The following MAGI1 variants were observed in gnomAD, a reference collection of about 807,000 sequenced individuals.
MAGI1 encodes the protein membrane associated guanylate kinase, WW and PDZ domain containing 1.
In MAGI1, 58 loss-of-function variants were observed where a neutral mutation model predicts 139.9. That is an observed-to-expected ratio of 0.41 (90% confidence interval 0.34 to 0.52). MAGI1 has a LOEUF of 0.52. MAGI1 is among the 20% of genes least tolerant of loss of function. The pLI is 0.12. For missense variants in MAGI1, 1,874 were observed against 1,901.6 expected (o/e 0.99, Z 0.27); for synonymous variants, 812 against 737.9 (o/e 1.10, Z -1.63).
At chr3:65,541,480 T>G (rs2079222117) in intron 2 of MAGI1, among the ~76,000 whole-genome samples, 1 of 152,132 alleles carries the variant, frequency 6.6e-6, no homozygotes, top group Admixed American at 6.5e-5. Context: ...AAAGAAAATT[T>G]CAGGTGAATA....
chr3:65,519,414 C>T (rs952285387), intron 2 of MAGI1, among the ~76,000 whole-genome samples: 6 of 151,596 alleles, frequency 4.0e-5, no homozygotes, highest in Non-Finnish European at 8.8e-5. Context: ...TGGATGGAGT[C>T]TTGCTCTGTT....
chr3:65,596,256 AT>A (rs2082190907), intron 2 of MAGI1, among the ~76,000 whole-genome samples: 1 of 152,214 alleles, frequency 6.6e-6, no homozygotes, highest in Non-Finnish European at 1.5e-5. Context: ...CCATGTGCAT[AT>A]GGAATTTTTA....
At chr3:65,825,880 C>G (rs1019784346) in intron 1 of MAGI1, among the ~76,000 whole-genome samples, 1 of 151,886 alleles carries the variant, frequency 6.6e-6, no homozygotes, top group African/African-American at 2.4e-5. Flanking sequence ...CCCAGCTACT[C>G]GGGAGGCTGA....
At chr3:65,752,026 T>G (rs571627880) in intron 1 of MAGI1, among the ~76,000 whole-genome samples, 1 of 152,312 alleles carries the variant, frequency 6.6e-6, no homozygotes, top group South Asian at 2.1e-4. Context: ...CACTGCAGCC[T>G]TGACTTCCCA....
At chr3:66,014,865 C>G (rs914846196) in intron 1 of MAGI1, among the ~76,000 whole-genome samples, 1 of 152,212 alleles carries the variant, frequency 6.6e-6, no homozygotes, top group African/African-American at 2.4e-5. Flanking sequence ...TTTGCTCCCA[C>G]TGTTGCCTCC....
At chr3:65,796,866 A>G (rs1207212522) in intron 1 of MAGI1, among the ~76,000 whole-genome samples, 2 of 152,142 alleles carry the variant, frequency 1.3e-5, no homozygotes, top group African/African-American at 4.8e-5. Flanking sequence ...ACTAAACTTT[A>G]TTTACAGAAA....
At chr3:65,550,054 G>A (rs2079746473) in intron 2 of MAGI1, among the ~76,000 whole-genome samples, 1 of 152,110 alleles carries the variant, frequency 6.6e-6, no homozygotes, top group Non-Finnish European at 1.5e-5. Flanking sequence ...AATACAGACA[G>A]AATCACATCT....
chr3:65,503,415 T>C (rs924415672), intron 2 of MAGI1, among the ~76,000 whole-genome samples: 1 of 152,156 alleles, frequency 6.6e-6, no homozygotes, highest in Non-Finnish European at 1.5e-5. Context: ...TTTTGAATAA[T>C]GGGGCATTCT....
At chr3:65,810,334 C>T (rs1050089749) in intron 1 of MAGI1, among the ~76,000 whole-genome samples, 1 of 152,252 alleles carries the variant, frequency 6.6e-6, no homozygotes, top group African/African-American at 2.4e-5. Context: ...TATCCAGTCT[C>T]TATCCCATAC....
intron 2 of MAGI1, among the ~76,000 whole-genome samples, chr3:65,578,396 C>T (rs985617134): frequency 6.6e-6 from 1 of 152,158 alleles, no homozygotes; most frequent in African/African-American, 2.4e-5. Flanking sequence ...AATCAACCAG[C>T]TATGAGATCC....
At chr3:65,453,117 C>A in intron 6 of MAGI1, 141 bp downstream of exon 6, 2 of 707,560 alleles carry the variant, frequency 2.8e-6, no homozygotes, top group Non-Finnish European at 5.0e-6. Flanking sequence ...CTTTTGTAAA[C>A]CACAGTCCAT....
chr3:65,896,948 G>A (rs1279969740), intron 1 of MAGI1, among the ~76,000 whole-genome samples: 1 of 151,948 alleles, frequency 6.6e-6, no homozygotes, highest in Non-Finnish European at 1.5e-5. Flanking sequence ...GAGAAAAATT[G>A]GTTCCCAGGA....
At chr3:65,871,219 G>C (rs1039594724) in intron 1 of MAGI1, among the ~76,000 whole-genome samples, 6 of 152,010 alleles carry the variant, frequency 3.9e-5, no homozygotes, top group African/African-American at 1.2e-4. Flanking sequence ...TTACAGACAT[G>C]AGCCCCCATG....
chr3:66,038,065 GC>G lies in MAGI1; in HGVS notation c.243del (p.Leu81PhefsTer28), dbSNP rs1228492269. The G allele has an allele frequency of 6.2e-7, 1 of 1,612,684 alleles. No individual in the cohort carries two copies. Among genetic ancestry groups the G allele is most frequent in the Admixed American group, 1.7e-5 (1 of 59,946 alleles). On this transcript the variant is annotated frameshift_variant, in exon 1 of 23. Transcript: ENST00000402939. LOFTEE classifies it high-confidence loss of function. ...LEVQGVRVSG[L>X]PRYDVLGVID... ...ATGACCCCCAGCACGTCATAGCGGGGCAAGCCGGACACCCGGACCCCCTGCA... is the reference window on the plus strand; with the variant it reads ...ATGACCCCCAGCACGTCATAGCGGGGAAGCCGGACACCCGGACCCCCTGCA...
At chr3:66,011,311 G>A (rs184301940) in intron 1 of MAGI1, among the ~76,000 whole-genome samples, 181 of 152,256 alleles carry the variant, frequency 1.2e-3, no homozygotes, top group African/African-American at 4.0e-3. Context: ...CTAGAGCGAC[G>A]AAAAGATAGG....
intron 1 of MAGI1, among the ~76,000 whole-genome samples, chr3:65,909,340 C>T (rs1413955974): frequency 6.7e-6 from 1 of 149,416 alleles, no homozygotes; most frequent in Non-Finnish European, 1.5e-5. Context: ...GCCTGCACAA[C>T]AAAGTTGAGA....
intron 1 of MAGI1, among the ~76,000 whole-genome samples, chr3:66,007,093 G>A (rs1037804886): frequency 1.3e-5 from 2 of 151,738 alleles, no homozygotes; most frequent in Non-Finnish European, 2.9e-5. Context: ...CTCCCACCTC[G>A]ACCTCCCAAA....
intron 1 of MAGI1, among the ~76,000 whole-genome samples, chr3:65,992,621 A>C (rs1314244317): frequency 6.6e-6 from 1 of 152,186 alleles, no homozygotes; most frequent in East Asian, 1.9e-4. Context: ...TACATCTGGG[A>C]GGGCAACCAA....
At chr3:65,384,740 T>TAAAC (rs1191427771) in intron 14 of MAGI1, among the ~76,000 whole-genome samples, 1 of 151,134 alleles carries the variant, frequency 6.6e-6, no homozygotes, top group Non-Finnish European at 1.5e-5. Context: ...CTCAAATAAA[T>TAAAC]AAACAAACAA....
Sources: gnomAD v4.1 joint callset for allele counts (sites outside exome capture counted in the v4.1 genomes callset) on GRCh38, gnomAD v4.1.1 for gene constraint, MANE v1.5 for transcripts, NCBI Gene and HGNC (gene_info 2026-07-23, HGNC 2026-07-21) for gene names.